FLT3: variants seen among roughly 807,000 people sequenced by gnomAD.
FLT3 encodes receptor-type tyrosine-protein kinase FLT3.
A neutral mutation model predicts 126.6 loss-of-function variants in FLT3; 46 were observed. The ratio of observed to expected loss-of-function variants is 0.36; its 90% CI spans 0.29 to 0.46. FLT3 has a LOEUF of 0.46. FLT3 is among the 20% of genes least tolerant of loss of function. The pLI is 1.00. For missense variants in FLT3, 1,069 were observed against 1,190.3 expected (o/e 0.90, Z 1.50); for synonymous variants, 404 against 434.4 (o/e 0.93, Z 0.87).
intron 11 of FLT3, 81 bp from the exon 12 acceptor site, chr13:28,035,754 A>G: frequency 7.0e-7 from 1 of 1,420,930 alleles, no homozygotes; most frequent in African/African-American, 1.4e-5. Context: ...CGAGTTCTAA[A>G]AGAGATTCAT....
At chr13:28,084,552 A>T (rs1398606554) in intron 1 of FLT3, among the ~76,000 whole-genome samples, 6 of 151,600 alleles carry the variant, frequency 4.0e-5, no homozygotes, top group Non-Finnish European at 5.9e-5. Flanking sequence ...AGAGATGGGG[A>T]TTTGCCACCA....
intron 19 of FLT3, among the ~76,000 whole-genome samples, chr13:28,021,356 C>T (rs1192357089): frequency 6.6e-6 from 1 of 152,170 alleles, no homozygotes; most frequent in Non-Finnish European, 1.5e-5. Flanking sequence ...CACCCCTGCA[C>T]TCCAGCCTGG....
intron 2 of FLT3, among the ~76,000 whole-genome samples, chr13:28,069,004 G>A (rs913015296): frequency 2.0e-5 from 3 of 151,716 alleles, no homozygotes; most frequent in East Asian, 3.8e-4. Context: ...GACGAACAGC[G>A]TAAAAGAGAG....
chr13:28,011,889 C>T (rs1481333386), intron 23 of FLT3, among the ~76,000 whole-genome samples: 4 of 152,002 alleles, frequency 2.6e-5, no homozygotes, highest in Admixed American at 6.6e-5. Flanking sequence ...CATCCACCTC[C>T]CAGGTTCAAG....
chr13:28,040,623 G>A (rs556189893), intron 9 of FLT3, among the ~76,000 whole-genome samples: 128 of 151,804 alleles, frequency 8.4e-4, no homozygotes, highest in Admixed American at 2.8e-3. Context: ...CCCTGAACTC[G>A]TAAGCCAAGG....
intron 5 of FLT3, among the ~76,000 whole-genome samples, chr13:28,051,257 G>T (rs556139243): frequency 2.1e-4 from 30 of 145,206 alleles, no homozygotes; most frequent in African/African-American, 7.4e-4. Context: ...TTTTTTTTTA[G>T]ATGGAGTCTC....
At chr13:28,019,620 C>T (rs1008116097) in intron 19 of FLT3, among the ~76,000 whole-genome samples, 45 of 152,278 alleles carry the variant, frequency 3.0e-4, no homozygotes, top group Non-Finnish European at 6.0e-4. Context: ...TCTACCTGCA[C>T]TTTGCCCACT....
chr13:28,082,763 G>A (rs1358467895), intron 1 of FLT3, among the ~76,000 whole-genome samples: 1 of 152,068 alleles, frequency 6.6e-6, no homozygotes, highest in Non-Finnish European at 1.5e-5. Flanking sequence ...GAGTGCAGTG[G>A]CGCGATCTCA....
At chr13:28,050,517 A>G (rs1223233854) in intron 5 of FLT3, among the ~76,000 whole-genome samples, 2 of 152,228 alleles carry the variant, frequency 1.3e-5, no homozygotes, top group Non-Finnish European at 2.9e-5. Flanking sequence ...CAGGGAAAGA[A>G]AGGGAAAAAA....
chr13:28,065,534 C>T (rs918600533), intron 2 of FLT3, among the ~76,000 whole-genome samples: 11 of 150,326 alleles, frequency 7.3e-5, no homozygotes, highest in African/African-American at 2.4e-4. Flanking sequence ...CCTTGCTACC[C>T]GGGAGGCTGA....
intron 9 of FLT3, among the ~76,000 whole-genome samples, chr13:28,040,837 A>T (rs1024928703): frequency 1.3e-5 from 2 of 148,452 alleles, no homozygotes; most frequent in Non-Finnish European, 3.0e-5. Context: ...TCTCTACAGA[A>T]TTTTTTTTTT....
At chr13:28,070,778 T>G (rs193195015) in intron 1 of FLT3, among the ~76,000 whole-genome samples, 166 bp from the exon 2 acceptor site, 52 of 152,270 alleles carry the variant, frequency 3.4e-4, no homozygotes, top group African/African-American at 1.2e-3. Flanking sequence ...CTAGTTTAAA[T>G]CAGGAGCAGA....
At chr13:28,083,000 C>T (rs1878437063) in intron 1 of FLT3, among the ~76,000 whole-genome samples, 1 of 151,086 alleles carries the variant, frequency 6.6e-6, no homozygotes, top group African/African-American at 2.4e-5. Context: ...GCCACCGCGC[C>T]TGGCCAATTT....
At chr13:28,028,693 A>G (rs554176770) in intron 15 of FLT3, among the ~76,000 whole-genome samples, 41 of 152,226 alleles carry the variant, frequency 2.7e-4, no homozygotes, top group African/African-American at 9.9e-4. Context: ...GTGAAACTCC[A>G]TCTTAAAATA....
intron 1 of FLT3, among the ~76,000 whole-genome samples, chr13:28,082,728 G>A (rs1041411334): frequency 6.7e-6 from 1 of 150,182 alleles, no homozygotes; most frequent in Non-Finnish European, 1.5e-5. Context: ...TTTTGAGACG[G>A]AGTCTTGCTC....
intron 1 of FLT3, among the ~76,000 whole-genome samples, chr13:28,075,949 C>T (rs993404422): frequency 6.6e-6 from 1 of 151,830 alleles, no homozygotes; most frequent in Non-Finnish European, 1.5e-5. Flanking sequence ...GCATGCACCA[C>T]CACACCCGGC....
chr13:28,070,258 T>C (rs1290571121), intron 2 of FLT3, among the ~76,000 whole-genome samples: 1 of 152,214 alleles, frequency 6.6e-6, no homozygotes, highest in Non-Finnish European at 1.5e-5. Flanking sequence ...CATTACTTCA[T>C]GCTAGTTATC....
At chr13:28,014,030 G>T (rs1871614047) in intron 23 of FLT3, among the ~76,000 whole-genome samples, 1 of 152,048 alleles carries the variant, frequency 6.6e-6, no homozygotes, top group African/African-American at 2.4e-5. Context: ...CCAGCACTTT[G>T]GGAGGCTGAG....
At chr13:28,067,601 T>G (rs2137781107) in intron 2 of FLT3, 1 of 152,776 alleles carries the variant, frequency 6.5e-6, no homozygotes, top group Middle Eastern at 3.4e-3. Flanking sequence ...AAAATCACAA[T>G]GTTAAAAAAA....
Sources: gnomAD v4.1 joint callset for allele counts (sites outside exome capture counted in the v4.1 genomes callset) on GRCh38, gnomAD v4.1.1 for gene constraint, MANE v1.5 for transcripts, NCBI Gene and HGNC (gene_info 2026-07-23, HGNC 2026-07-21) for gene names.